Variants in STPG1 observed in about 807,000 individuals in gnomAD.
STPG1 encodes the protein sperm tail PG-rich repeat containing 1, also known as O(6)-methylguanine-induced apoptosis 2.
Under a neutral mutation model 40.1 loss-of-function variants are expected in STPG1, and 33 were observed. That is an observed-to-expected ratio of 0.82 (90% CI 0.62 to 1.10). STPG1 has a LOEUF of 1.10. STPG1 is among the 50% of genes least tolerant of loss of function. The pLI is 0.00. For missense variants in STPG1, 396 were observed against 415.1 expected, an observed-to-expected ratio of 0.95 and a Z score of 0.40; for synonymous variants, 150 against 155.0, an observed-to-expected ratio of 0.97 and a Z score of 0.24.
chr1:24,360,853 GGGCCAGGCAGGCCTGGCTGA>G lies in STPG1; in HGVS notation c.906_925del (p.Gln303SerfsTer150). The stretch of plus-strand genomic sequence containing the variant: ...ATCATTTAAAACAATCCTCTGACCT[GGGCCAGGCAGGCCTGGCTGA>G]GGCGGCGCCGCTGTCCACCGGCTGG... On this transcript the variant is annotated frameshift_variant, in exon 8 of 9. Coordinates refer to ENST00000337248, the MANE Select transcript of STPG1 (RefSeq NM_001199013.2). LOFTEE classifies it high-confidence loss of function. 2 of 1,610,508 alleles carry G rather than the reference GGGCCAGGCAGGCCTGGCTGA, an allele frequency of 1.2e-6. No individual in the cohort carries two copies. Among genetic ancestry groups the G allele is most frequent in the Non-Finnish European group, 1.7e-6 (2 of 1,178,410 alleles).
rs973963915 is a variant in STPG1 at position 24,402,758 on chromosome 1, C to CA, written c.-68-1303dup. ...AACAGCCTATCTCAAAAAAAAAAAA[C>CA]AAAAAAAAACAAAAAAACAAAAAAC... On this transcript the variant is annotated intron_variant, in intron 1 of 8. Transcript: ENST00000337248. 9.1e-3 allele frequency among the ~76,000 whole-genome samples: 1,224 copies of CA among 135,002 alleles called. 18 individuals are homozygous for CA. The highest frequency in any genetic ancestry group is 0.028 in the African/African-American group (946 of 33,650). The allele number at this position is 135,002 out of a possible 152,430, so 88.6% of individuals were successfully genotyped here. A position where few individuals can be genotyped will look rare whatever the true frequency, so the allele number is the denominator to read the frequency against.
intron 1 of STPG1, among the ~76,000 whole-genome samples, chr1:24,411,070 T>C (rs1265144589): frequency 2.0e-5 from 3 of 152,192 alleles, no homozygotes; most frequent in Non-Finnish European, 4.4e-5. Flanking sequence ...CTGCCTATCC[T>C]GCAGTAGGCT....
intron 6 of STPG1, among the ~76,000 whole-genome samples, chr1:24,371,565 TG>T (rs1482007674): frequency 1.4e-5 from 2 of 146,716 alleles, no homozygotes; most frequent in African/African-American, 5.1e-5. Context: ...CTCTCCAGCC[TG>T]GGCAACAGAG....
At position 24,358,017 on chromosome 1, in the gene STPG1, C is replaced by T. The variant is rs1427400648; in HGVS notation, c.*526G>A. ...CTGTGGACTGGTGGAAAAAGCATCA[C>T]CTGCCTGCAGGTAGCTTTCGCCCAG... On this transcript the variant is annotated 3_prime_UTR_variant, in exon 9 of 9. Coordinates refer to ENST00000337248, the MANE Select transcript of STPG1 (RefSeq NM_001199013.2). 1.1e-5 allele frequency: 4 copies of T among 355,532 alleles called. No individual in the cohort carries two copies. Among genetic ancestry groups the T allele is most frequent in the Admixed American group, 7.4e-5 (2 of 26,918 alleles). 22.0% of individuals were successfully genotyped at this position (355,532 alleles called of 1,614,324 possible).
rs1444689491 is a variant in STPG1, at chr1:24,358,629, GAC to G, written c.929-12_929-11del. ...TCTGGCTTGTACGTAGCTGTGAGGG[GAC>G]AGAGAGGCGGAGGCATTAAGAGAGA... On this transcript the variant is annotated splice_polypyrimidine_tract_variant and intron_variant, in intron 8 of 8. Transcript: ENST00000337248. 1 of 1,607,178 alleles carries G rather than the reference GAC, an allele frequency of 6.2e-7. No individual in the cohort carries two copies. The highest frequency in any genetic ancestry group is 1.3e-5 in the African/African-American group (1 of 74,738).
intron 1 of STPG1, among the ~76,000 whole-genome samples, chr1:24,407,922 C>A (rs935776378): frequency 6.6e-6 from 1 of 152,148 alleles, no homozygotes; most frequent in Non-Finnish European, 1.5e-5. Context: ...ATAGTAGCTG[C>A]TTTAAGGTTT....
rs927881333 is a variant in STPG1, at chr1:24,364,097, G to A, written c.738-3056C>T. ...ACACAACACAGTTCAGCAACTCCAT[G>A]CCTTTGTCCCTGCTGTTCCTTCTGT... On this transcript the variant is annotated intron_variant, in intron 7 of 8. Coordinates refer to ENST00000337248, the MANE Select transcript of STPG1 (RefSeq NM_001199013.2). 6.9e-6 allele frequency: 10 copies of A among 1,441,036 alleles called. No homozygotes were observed. The Admixed American group carries it at 2.5e-4, about 36-fold the overall frequency. 89.3% of individuals were successfully genotyped at this position (1,441,036 alleles called of 1,614,324 possible).
rs1643870603 is a variant in STPG1, at chr1:24,413,770, G to A, written c.-165C>T. ...TTCGCGAGTCCACCTTCCGCCGTCCGCGAGGTAACTCCAGCCAATGGCATC... is the reference window on the plus strand; with the variant it reads ...TTCGCGAGTCCACCTTCCGCCGTCCACGAGGTAACTCCAGCCAATGGCATC... On this transcript the variant is annotated 5_prime_UTR_variant, in exon 1 of 9. Transcript: ENST00000337248. 1 of 152,272 alleles carries A rather than the reference G, an allele frequency of 6.6e-6. No homozygotes were observed. Among genetic ancestry groups the A allele is most frequent in the Admixed American group, 6.5e-5 (1 of 15,296 alleles). The allele number at this position is 152,272 out of a possible 1,614,324, so 9.4% of individuals were successfully genotyped here. A position where few individuals can be genotyped will look rare whatever the true frequency, so the allele number is the denominator to read the frequency against.
intron 3 of STPG1, among the ~76,000 whole-genome samples, chr1:24,390,476 T>C (rs1017796612): frequency 6.6e-6 from 1 of 152,144 alleles, no homozygotes; most frequent in Non-Finnish European, 1.5e-5. Context: ...TGAAGTCCAG[T>C]AGTGCGATCT....
intron 7 of STPG1, chr1:24,369,447 A>G (rs1446295823): frequency 1.5e-6 from 1 of 669,512 alleles, no homozygotes; most frequent in African/African-American, 1.8e-5. Context: ...CAGGATTATA[A>G]TAATAATTGA....
rs1226863388 is a variant in STPG1, at chr1:24,364,554, G to GC, written c.738-3514dup. Reference sequence around the variant, plus strand: ...GTATTGTGTCTTCCTCAGCTTTGAGGCCCCTAGCCCTATCCCGGGAACATT... The same window carrying GC: ...GTATTGTGTCTTCCTCAGCTTTGAGGCCCCCTAGCCCTATCCCGGGAACATT... On this transcript the variant is annotated intron_variant, in intron 7 of 8. Coordinates refer to ENST00000337248, the MANE Select transcript of STPG1 (RefSeq NM_001199013.2). 6 of 1,039,206 alleles carry GC rather than the reference G, an allele frequency of 5.8e-6. No individual in the cohort carries two copies. In the African/African-American group the frequency reaches 6.6e-5, roughly 11 times the overall value. 64.4% of individuals were successfully genotyped at this position (1,039,206 alleles called of 1,614,324 possible).
In STPG1 at chr1:24,401,369, T is replaced by C. The variant is rs569938910; in HGVS notation, c.20A>G (p.Lys7Arg). MDNSAQ[K>R]NERTGKHPRR... The stretch of plus-strand genomic sequence containing the variant: ...GGGATGTTTGCCAGTGCGTTCATTT[T>C]TCTGTGCAGAGTTGTCCATGTTAGC... The change falls in exon 2 of 9, where the codon AAA (lysine) becomes AGA (arginine). Residue 7 changes from lysine to arginine, a missense_variant. Physicochemically the swap from Lys to Arg is conservative, Grantham distance 26 (BLOSUM62 2). Transcript: ENST00000337248. The C allele has an allele frequency of 8.7e-6, 14 of 1,614,150 alleles. 1 individual carries two copies. The East Asian group carries it at 2.7e-4, about 31-fold the overall frequency.
intron 7 of STPG1, among the ~76,000 whole-genome samples, chr1:24,367,341 A>AGCAGTTAAAAATTGAGCATCCTCC (rs1455913535): frequency 2.0e-5 from 3 of 152,206 alleles, no homozygotes; most frequent in Admixed American, 2.0e-4. Flanking sequence ...CTCCAGATAA[A>AGCAGTTAAAAATTGAGCATCCTCC]GCAGTTAAAA....
At chr1:24,391,901 T>C in intron 2 of STPG1, 4 of 1,294,214 alleles carry the variant, frequency 3.1e-6, no homozygotes, top group Non-Finnish European at 3.9e-6. Flanking sequence ...CTTAAATTAG[T>C]GAGATGTGGT....
intron 7 of STPG1, among the ~76,000 whole-genome samples, chr1:24,362,436 G>T (rs1641182829): frequency 6.6e-6 from 1 of 152,194 alleles, no homozygotes; most frequent in Non-Finnish European, 1.5e-5. Flanking sequence ...TTCTAGTCAT[G>T]CCACTTACTG....
At chr1:24,393,992 G>A (rs1167383096) in intron 2 of STPG1, among the ~76,000 whole-genome samples, 2 of 152,208 alleles carry the variant, frequency 1.3e-5, no homozygotes. Context: ...AGTTCACAGA[G>A]CAGAGTACCA....
At chr1:24,383,322 C>A (rs999767665) in intron 4 of STPG1, among the ~76,000 whole-genome samples, 1 of 152,142 alleles carries the variant, frequency 6.6e-6, no homozygotes, top group African/African-American at 2.4e-5. Context: ...TTTTTCTTGA[C>A]AATGTATAAA....
intron 7 of STPG1, among the ~76,000 whole-genome samples, chr1:24,367,437 C>A (rs1641527292): frequency 6.6e-6 from 1 of 152,148 alleles, no homozygotes; most frequent in African/African-American, 2.4e-5. Context: ...GCTGCCATGC[C>A]AAATAACAGC....
At chr1:24,376,319 C>T (rs1235489658) in intron 5 of STPG1, among the ~76,000 whole-genome samples, 1 of 152,172 alleles carries the variant, frequency 6.6e-6, no homozygotes, top group Non-Finnish European at 1.5e-5. Flanking sequence ...CTGTGCCTGG[C>T]CTGCACCTGG....
Sources: gnomAD v4.1 joint callset for allele counts (sites outside exome capture counted in the v4.1 genomes callset) on GRCh38, gnomAD v4.1.1 for gene constraint, MANE v1.5 for transcripts, NCBI Gene and HGNC (gene_info 2026-07-23, HGNC 2026-07-21) for gene names.